Variants in IMMP2L observed in about 807,000 individuals in gnomAD.
The protein encoded by IMMP2L is inner mitochondrial membrane peptidase subunit 2, also known as mitochondrial inner membrane protease subunit 2.
IMMP2L carries 18 observed loss-of-function variants against 19.3 expected under a neutral mutation model. That is an observed-to-expected ratio of 0.93 (90% confidence interval 0.64 to 1.38). The LOEUF is 1.38. IMMP2L is among the 40% of genes most tolerant of loss of function. The pLI is 0.00. For synonymous variants in IMMP2L, 76 were observed against 73.0 expected (o/e 1.04, Z -0.21); for missense variants, 233 against 218.2 (o/e 1.07, Z -0.43).
chr7:111,128,683 G>A (rs1446194639), intron 3 of IMMP2L, among the ~76,000 whole-genome samples: 1 of 152,106 alleles, frequency 6.6e-6, no homozygotes. Flanking sequence ...AAATTAGCTG[G>A]GTGTGGTGGT....
At chr7:110,811,504 A>G (rs1802034426) in intron 5 of IMMP2L, among the ~76,000 whole-genome samples, 1 of 152,062 alleles carries the variant, frequency 6.6e-6, no homozygotes, top group African/African-American at 2.4e-5. Context: ...GAACAGGTGA[A>G]GGTAAGTGTA....
intron 3 of IMMP2L, among the ~76,000 whole-genome samples, chr7:111,256,868 C>A (rs1425955366): frequency 6.6e-6 from 1 of 151,964 alleles, no homozygotes; most frequent in Admixed American, 6.6e-5. Context: ...AACGCAAAGG[C>A]AAGAAGCAGT....
intron 4 of IMMP2L, among the ~76,000 whole-genome samples, chr7:110,898,629 C>T (rs536719824): frequency 4.0e-4 from 61 of 152,130 alleles, no homozygotes; most frequent in African/African-American, 1.4e-3. Flanking sequence ...ACAAATAAAA[C>T]ACATTATCTA....
intron 4 of IMMP2L, among the ~76,000 whole-genome samples, chr7:110,915,981 G>A (rs564777619): frequency 6.6e-6 from 1 of 152,232 alleles, no homozygotes; most frequent in African/African-American, 2.4e-5. Flanking sequence ...AAGGTTAAGT[G>A]TTTAACACAG....
chr7:111,342,387 A>C (rs113895131), intron 3 of IMMP2L, among the ~76,000 whole-genome samples: 4 of 152,176 alleles, frequency 2.6e-5, no homozygotes, highest in African/African-American at 9.6e-5. Context: ...AGGTCAGGAG[A>C]TCGAGACCAT....
chr7:111,497,773 T>C (rs1585359859), intron 2 of IMMP2L, among the ~76,000 whole-genome samples: 1 of 152,084 alleles, frequency 6.6e-6, no homozygotes, highest in Non-Finnish European at 1.5e-5. Context: ...CTTCATCTGT[T>C]AAGTGGGCTA....
intron 3 of IMMP2L, among the ~76,000 whole-genome samples, chr7:111,290,499 CTTT>C (rs201049114): frequency 6.8e-6 from 1 of 148,084 alleles, no homozygotes; most frequent in Middle Eastern, 3.5e-3. Context: ...TGATTGACTT[CTTT>C]TTAAAAAAAA....
chr7:111,105,190 A>C (rs1438341004), intron 3 of IMMP2L, among the ~76,000 whole-genome samples: 1 of 151,878 alleles, frequency 6.6e-6, no homozygotes, highest in Non-Finnish European at 1.5e-5. Context: ...TTAAAAATTA[A>C]TTTGATTCTT....
At chr7:110,732,823 T>C (rs1420018118) in intron 5 of IMMP2L, among the ~76,000 whole-genome samples, 1 of 151,530 alleles carries the variant, frequency 6.6e-6, no homozygotes. Flanking sequence ...AGGGTCTCTG[T>C]CACTCAGGCT....
chr7:110,799,605 C>T (rs1801105384), intron 5 of IMMP2L, among the ~76,000 whole-genome samples: 1 of 151,944 alleles, frequency 6.6e-6, no homozygotes, highest in Non-Finnish European at 1.5e-5. Context: ...GGGAAACATA[C>T]TGGAGTCACA....
intron 5 of IMMP2L, among the ~76,000 whole-genome samples, chr7:110,755,888 T>G (rs990312016): frequency 2.0e-5 from 3 of 152,036 alleles, no homozygotes; most frequent in Non-Finnish European, 4.4e-5. Context: ...GGAGCAAGAA[T>G]GGAAAAGACA....
At chr7:110,672,362 G>A (rs1027185774) in intron 5 of IMMP2L, among the ~76,000 whole-genome samples, 3 of 151,978 alleles carry the variant, frequency 2.0e-5, no homozygotes, top group African/African-American at 7.2e-5. Flanking sequence ...TGACATGTGG[G>A]GATTGTGGGA....
At position 110,663,738 on chromosome 7, in the gene IMMP2L, C is replaced by G. The variant is rs753928656; in HGVS notation, c.409-17G>C. The G allele has an allele frequency of 6.5e-6, 10 of 1,530,652 alleles. No individual in the cohort carries two copies. Among genetic ancestry groups the G allele is most frequent in the Non-Finnish European group, 8.8e-6 (10 of 1,136,034 alleles). 94.8% of individuals were successfully genotyped at this position (1,530,652 alleles called of 1,614,324 possible). On this transcript the variant is annotated splice_polypyrimidine_tract_variant and intron_variant, in intron 5 of 5. Coordinates refer to ENST00000405709, the MANE Select transcript of IMMP2L (RefSeq NM_032549.4). Reference sequence around the variant, plus strand: ...TAGGGAAACCTTAATTCATGAGAAACAGAAAGAAAGCAATAAAGAGATCAT... The same window carrying G: ...TAGGGAAACCTTAATTCATGAGAAAGAGAAAGAAAGCAATAAAGAGATCAT...
In IMMP2L at chr7:110,961,121, T is replaced by C. The variant is rs1357622048; in HGVS notation, c.305+2379A>G. ...ATGATACAGCCACTTTCTAAAATAG[T>C]TTGGCAGTTTCTTACAAAGTTAAAC... On this transcript the variant is annotated intron_variant, in intron 4 of 5. Transcript: ENST00000405709. 2.0e-5 allele frequency among the ~76,000 whole-genome samples: 3 copies of C among 152,054 alleles called. No individual in the cohort carries two copies. The East Asian group carries it at 5.8e-4, about 30-fold the overall frequency.
chr7:111,477,898 C>CA lies in IMMP2L; in HGVS notation c.239+9339dup, dbSNP rs953641772. Among the ~76,000 whole-genome samples the CA allele has an allele frequency of 2.7e-3, 385 of 144,930 alleles. 2 individuals carry two copies. Among genetic ancestry groups the CA allele is most frequent in the African/African-American group, 8.4e-3 (334 of 39,754 alleles). On this transcript the variant is annotated intron_variant, in intron 3 of 5. Transcript: ENST00000405709. ...GGGCAACAAGAGTGAATTTCTGCCT[C>CA]AAAAAAAAAAATAGACTTTTATCTT...
At chr7:111,202,214 T>C (rs1374592352) in intron 3 of IMMP2L, among the ~76,000 whole-genome samples, 1 of 152,158 alleles carries the variant, frequency 6.6e-6, no homozygotes, top group East Asian at 1.9e-4. Context: ...GTTATAAATT[T>C]CCATGACACC....
intron 5 of IMMP2L, among the ~76,000 whole-genome samples, chr7:110,721,119 C>A (rs566633552): frequency 6.6e-6 from 1 of 151,900 alleles, no homozygotes; most frequent in Non-Finnish European, 1.5e-5. Flanking sequence ...ACCCATCCTA[C>A]ATCTAGTATC....
chr7:111,190,776 C>T (rs1030773876), intron 3 of IMMP2L, among the ~76,000 whole-genome samples: 1 of 152,040 alleles, frequency 6.6e-6, no homozygotes, highest in Non-Finnish European at 1.5e-5. Context: ...TATGTATGTA[C>T]GAAGGTAGGT....
chr7:110,867,878 C>G (rs1195866956), intron 5 of IMMP2L, among the ~76,000 whole-genome samples: 4 of 152,006 alleles, frequency 2.6e-5, no homozygotes, highest in African/African-American at 4.8e-5. Flanking sequence ...TCATTATCCT[C>G]ACATGGAGGT....
Sources: allele counts gnomAD v4.1 joint callset (sites outside exome capture counted in the v4.1 genomes callset), GRCh38; gene constraint gnomAD v4.1.1; transcripts MANE v1.5; gene names NCBI Gene and HGNC (gene_info 2026-07-23, HGNC 2026-07-21).